The following RASGRF1 variants were observed in gnomAD, a reference collection of about 807,000 sequenced individuals.
RASGRF1 encodes the protein Ras protein specific guanine nucleotide releasing factor 1.
A neutral mutation model predicts 138.7 loss-of-function variants in RASGRF1; 40 were observed. That is an observed-to-expected ratio of 0.29 (90% CI 0.22 to 0.38). The LOEUF is 0.38. RASGRF1 is among the 10% of genes least tolerant of loss of function. The pLI is 1.00. For synonymous variants in RASGRF1, 614 were observed against 663.2 expected (o/e 0.93, Z 1.14); for missense variants, 1,108 against 1,650.4 (o/e 0.67, Z 5.69).
At chr15:79,086,252 C>T (rs983350553) in intron 1 of RASGRF1, among the ~76,000 whole-genome samples, 1 of 152,182 alleles carries the variant, frequency 6.6e-6, no homozygotes, top group Non-Finnish European at 1.5e-5. Context: ...TATTTTTCTA[C>T]ATTCAGCTTT....
At chr15:78,989,157 C>G (rs1292165264) in intron 22 of RASGRF1, among the ~76,000 whole-genome samples, 3 of 152,152 alleles carry the variant, frequency 2.0e-5, no homozygotes, top group Non-Finnish European at 1.5e-5. Flanking sequence ...CCTGTCTGCC[C>G]CCCAGTTCTC....
At chr15:78,988,621 G>C (rs1450309277) in intron 22 of RASGRF1, among the ~76,000 whole-genome samples, 1 of 152,236 alleles carries the variant, frequency 6.6e-6, no homozygotes, top group African/African-American at 2.4e-5. Context: ...GCTGGGGTTG[G>C]TAGGATGTGG....
rs749561535 is a variant in RASGRF1 at position 79,017,763 on chromosome 15, T to C, written c.1743+7A>G. The C allele has an allele frequency of 5.6e-6, 9 of 1,601,356 alleles. No individual in the cohort carries two copies. In the Admixed American group the frequency reaches 1.1e-4, roughly 19 times the overall value. ...ACTCGCTTTCAGGAACAGGTGACGC[T>C]ACTCACCTGGCTGATGTCACTGGTC... On this transcript the variant is annotated splice_region_variant and intron_variant, in intron 12 of 26. Transcript: ENST00000558480.
intron 1 of RASGRF1, among the ~76,000 whole-genome samples, chr15:79,070,039 A>T (rs1389133608): frequency 1.3e-5 from 2 of 152,254 alleles, no homozygotes; most frequent in African/African-American, 4.8e-5. Context: ...GGATGTCCCC[A>T]TGAGGTCCAT....
intron 11 of RASGRF1, among the ~76,000 whole-genome samples, chr15:79,018,665 C>T (rs1409108701): frequency 6.6e-6 from 1 of 152,218 alleles, no homozygotes; most frequent in African/African-American, 2.4e-5. Flanking sequence ...CTTGATTTCT[C>T]TGAGGTTCCT....
At chr15:79,065,909 G>C (rs573256873) in intron 1 of RASGRF1, among the ~76,000 whole-genome samples, 135 of 151,904 alleles carry the variant, frequency 8.9e-4, no homozygotes, top group African/African-American at 3.2e-3. Flanking sequence ...TATGTGAAGT[G>C]GGGGGCGGGG....
At chr15:79,044,408 T>A (rs1022789507) in intron 5 of RASGRF1, among the ~76,000 whole-genome samples, 2 of 152,218 alleles carry the variant, frequency 1.3e-5, no homozygotes, top group Non-Finnish European at 2.9e-5. Flanking sequence ...ATGGTAAACA[T>A]CTGCTGGATC....
intron 21 of RASGRF1, among the ~76,000 whole-genome samples, chr15:78,991,357 G>A (rs757895536): frequency 1.3e-4 from 20 of 152,196 alleles, no homozygotes; most frequent in Non-Finnish European, 2.1e-4. Context: ...ACCTACACAC[G>A]TGCCCACGCT....
In RASGRF1 at chr15:79,090,765, G is replaced by A. The variant is rs2058046328; in HGVS notation, c.-267C>T. 6.0e-6 allele frequency: 3 copies of A among 498,264 alleles called. No homozygotes were observed. The highest frequency in any genetic ancestry group is 1.1e-5 in the Non-Finnish European group (3 of 285,000). The allele number at this position is 498,264 out of a possible 1,614,324, so 30.9% of individuals were successfully genotyped here. A position where few individuals can be genotyped will look rare whatever the true frequency, so the allele number is the denominator to read the frequency against. Reference sequence around the variant, plus strand: ...GCCGCCCGACCCTCCTCCGGTGCCGGGCAAACTGAGGGACTGGCGATCTGC... The same window carrying A: ...GCCGCCCGACCCTCCTCCGGTGCCGAGCAAACTGAGGGACTGGCGATCTGC... On this transcript the variant is annotated 5_prime_UTR_variant, in exon 1 of 27. Transcript: ENST00000558480.
Position 79,012,530 on chromosome 15 carries a change from G to T in RASGRF1, c.1826+2797C>A, listed in dbSNP as rs555179095. On this transcript the variant is annotated intron_variant, in intron 13 of 26. Coordinates refer to ENST00000558480, the MANE Select transcript of RASGRF1 (RefSeq NM_001145648.3). ...CCCTGGTCCCCTCCCTGGTCCTCCT[G>T]TGAAGAAAACCAGGCTTTAGATTGG... The T allele has an allele frequency of 6.8e-6, 11 of 1,613,940 alleles. No individual in the cohort carries two copies. The East Asian group carries it at 2.5e-4, about 36-fold the overall frequency.
intron 12 of RASGRF1, among the ~76,000 whole-genome samples, chr15:79,017,186 C>T (rs2140973793): frequency 6.6e-6 from 1 of 152,344 alleles, no homozygotes; most frequent in Admixed American, 6.5e-5. Flanking sequence ...GTGCTTCCTG[C>T]TTAATGCTCC....
At chr15:79,009,386 C>T (rs1406848480) in intron 13 of RASGRF1, among the ~76,000 whole-genome samples, 3 of 152,180 alleles carry the variant, frequency 2.0e-5, no homozygotes, top group African/African-American at 4.8e-5. Flanking sequence ...GTAAGGGCTA[C>T]GTCCAGCCCT....
chr15:79,004,590 C>A (rs771394264), intron 14 of RASGRF1: 30 of 972,144 alleles, frequency 3.1e-5, no homozygotes, highest in Non-Finnish European at 3.4e-5. Context: ...GAAGCTGAGG[C>A]TCAGAGACAG....
intron 1 of RASGRF1, among the ~76,000 whole-genome samples, chr15:79,072,918 G>T (rs1461457850): frequency 6.6e-6 from 1 of 152,166 alleles, no homozygotes. Context: ...CAACACACGA[G>T]CCTCAGTGTG....
Position 78,995,779 on chromosome 15 carries a change from T to A in RASGRF1, c.2988A>T (p.Pro996=). 1 of 1,614,194 alleles carries A rather than the reference T, an allele frequency of 6.2e-7. No individual in the cohort carries two copies. The highest frequency in any genetic ancestry group is 8.5e-7 in the Non-Finnish European group (1 of 1,180,026). The change falls in exon 20 of 27, where the codon CCA becomes CCT. Residue 996 remains proline (P), a synonymous_variant. Coordinates refer to ENST00000558480, the MANE Select transcript of RASGRF1 (RefSeq NM_001145648.3). The part of the protein sequence containing the change: ...NIIRTLTQED[P]GDNQITLEEI... ...CCTCCAGCGTGATCTGGTTGTCACC[T>A]GGGTCCTCCTGGGTCAGAGTCCTAG...
At chr15:79,061,431 T>TATATATATATATATATATATATATATAA (rs1555461889) in intron 2 of RASGRF1, among the ~76,000 whole-genome samples, 10 of 144,596 alleles carry the variant, frequency 6.9e-5, no homozygotes, top group Non-Finnish European at 1.4e-4. Flanking sequence ...TATATATATA[T>TATATATATATATATATATATATATATAA]CATTCATTTT....
At chr15:79,068,793 C>T (rs2057715871) in intron 1 of RASGRF1, among the ~76,000 whole-genome samples, 1 of 152,050 alleles carries the variant, frequency 6.6e-6, no homozygotes, top group Admixed American at 6.6e-5. Context: ...TGGCCCACCC[C>T]TCTTCTCTGT....
intron 12 of RASGRF1, among the ~76,000 whole-genome samples, chr15:79,017,404 C>T (rs1031360545): frequency 6.6e-6 from 1 of 152,080 alleles, no homozygotes; most frequent in African/African-American, 2.4e-5. Context: ...TGACCTGGGG[C>T]ATGTACTAAA....
chr15:78,998,343 G>T (rs915323117), intron 18 of RASGRF1, 135 bp from the exon 19 acceptor site: 19 of 750,744 alleles, frequency 2.5e-5, no homozygotes, highest in Middle Eastern at 5.6e-4. Flanking sequence ...TTTCCTTTCT[G>T]TTGGCTTCCT....
Sources: gnomAD v4.1 joint callset for allele counts (sites outside exome capture counted in the v4.1 genomes callset) on GRCh38, gnomAD v4.1.1 for gene constraint, MANE v1.5 for transcripts, NCBI Gene and HGNC (gene_info 2026-07-23, HGNC 2026-07-21) for gene names.